The following ZNF804B variants were observed in gnomAD, a reference collection of about 807,000 sequenced individuals.
ZNF804B encodes the protein zinc finger protein 804B.
ZNF804B carries 80 observed loss-of-function variants against 101.4 expected under a neutral mutation model. That is an observed-to-expected ratio of 0.79 (90% confidence interval 0.66 to 0.95). The LOEUF (loss-of-function observed/expected upper bound fraction) is 0.95, where lower values mean the gene tolerates loss of function less well. ZNF804B is among the 40% of genes least tolerant of loss of function. ZNF804B has a pLI of 0.00. For missense variants in ZNF804B, 1,673 were observed against 1,561.9 expected (o/e 1.07, Z -1.20); for synonymous variants, 622 against 558.8 (o/e 1.11, Z -1.59).
chr7:89,275,673 A>G (rs1381663512), intron 2 of ZNF804B, among the ~76,000 whole-genome samples: 2 of 151,788 alleles, frequency 1.3e-5, no homozygotes, highest in Non-Finnish European at 2.9e-5. Flanking sequence ...TAAATTTGCA[A>G]TCTCTTTCTT....
intron 1 of ZNF804B, among the ~76,000 whole-genome samples, chr7:89,059,440 C>CAG (rs1293395012): frequency 4.6e-5 from 7 of 151,922 alleles, no homozygotes; most frequent in Admixed American, 4.6e-4. Context: ...GAGTAGAAGC[C>CAG]AGAGAGAGAA....
intron 1 of ZNF804B, among the ~76,000 whole-genome samples, chr7:88,856,785 A>G (rs1046641828): frequency 1.3e-5 from 2 of 152,150 alleles, no homozygotes; most frequent in Non-Finnish European, 2.9e-5. Context: ...CGTCCCATCA[A>G]TACCTAGTTT....
At chr7:89,026,700 G>C (rs961974416) in intron 1 of ZNF804B, among the ~76,000 whole-genome samples, 4 of 152,126 alleles carry the variant, frequency 2.6e-5, no homozygotes, top group Non-Finnish European at 5.9e-5. Flanking sequence ...TATTGTCCTG[G>C]TTTGTGGCTT....
At chr7:89,200,670 C>A (rs951640925) in intron 1 of ZNF804B, among the ~76,000 whole-genome samples, 2 of 152,172 alleles carry the variant, frequency 1.3e-5, no homozygotes, top group South Asian at 4.1e-4. Context: ...CACTCCCACA[C>A]AAATAGCCTT....
chr7:89,039,494 G>T (rs1788981837), intron 1 of ZNF804B, among the ~76,000 whole-genome samples: 1 of 151,432 alleles, frequency 6.6e-6, no homozygotes, highest in Non-Finnish European at 1.5e-5. Context: ...AATTTTTTTA[G>T]ATAATTTACT....
intron 1 of ZNF804B, among the ~76,000 whole-genome samples, chr7:89,022,775 G>A (rs1788687402): frequency 6.6e-6 from 1 of 152,150 alleles, no homozygotes; most frequent in Non-Finnish European, 1.5e-5. Flanking sequence ...GCTATCACAT[G>A]TGAGTGAAGC....
At chr7:88,795,021 C>A in intron 1 of ZNF804B, 2 of 1,197,132 alleles carry the variant, frequency 1.7e-6, no homozygotes, top group Non-Finnish European at 2.3e-6. Flanking sequence ...TACCTCTTTA[C>A]TGATGAACTC....
rs183171727 is a variant in ZNF804B, at chr7:89,108,650, T to C, written c.109-109505T>C. Among the ~76,000 whole-genome samples, 6 of 152,208 alleles carry C rather than the reference T, an allele frequency of 3.9e-5. No homozygotes were observed. The East Asian group carries it at 1.2e-3, about 29-fold the overall frequency. ...CAAAAGGCAAAGGAAACTGATCCTA[T>C]TGGATGTGGCAAGATCTAGGTCAAT... On this transcript the variant is annotated intron_variant, in intron 1 of 3. Coordinates refer to ENST00000333190, the MANE Select transcript of ZNF804B (RefSeq NM_181646.5).
At chr7:89,333,329 C>T in intron 3 of ZNF804B, 34 bp from the exon 4 acceptor site, 1 of 1,496,110 alleles carries the variant, frequency 6.7e-7, no homozygotes, top group Non-Finnish European at 8.9e-7. Flanking sequence ...CAAAGCTAAT[C>T]TCTTAATCAT....
chr7:88,974,504 G>A (rs1793585586), intron 1 of ZNF804B, among the ~76,000 whole-genome samples: 1 of 150,702 alleles, frequency 6.6e-6, no homozygotes, highest in African/African-American at 2.4e-5. Flanking sequence ...ATTTTATCTG[G>A]CCCTTAGAAA....
At chr7:89,163,581 C>G (rs980228361) in intron 1 of ZNF804B, among the ~76,000 whole-genome samples, 1 of 151,730 alleles carries the variant, frequency 6.6e-6, no homozygotes, top group African/African-American at 2.4e-5. Context: ...CTTTGCTTAT[C>G]TGTTTGATTT....
intron 2 of ZNF804B, among the ~76,000 whole-genome samples, chr7:89,222,998 T>A (rs949485134): frequency 6.6e-6 from 1 of 151,938 alleles, no homozygotes; most frequent in African/African-American, 2.4e-5. Flanking sequence ...GAAGCTGAGT[T>A]ACACTGAAGT....
chr7:88,945,006 T>C (rs1255652648), intron 1 of ZNF804B, among the ~76,000 whole-genome samples: 1 of 152,020 alleles, frequency 6.6e-6, no homozygotes, highest in East Asian at 1.9e-4. Flanking sequence ...GTTAGATGGA[T>C]AGATTGCAAA....
Position 88,931,815 on chromosome 7 carries a change from G to GTT in ZNF804B, c.108+171738_108+171739dup, listed in dbSNP as rs944806689. 2.6e-5 allele frequency among the ~76,000 whole-genome samples: 4 copies of GTT among 151,336 alleles called. No individual in the cohort carries two copies. The East Asian group carries it at 7.8e-4, about 29-fold the overall frequency. Reference sequence around the variant, plus strand: ...CAAATTATAAGAAAAGTGATTCAATGTTTTTTTTAAAAAACTTCAAAACAC... The same window carrying GTT: ...CAAATTATAAGAAAAGTGATTCAATGTTTTTTTTTTAAAAAACTTCAAAACAC... On this transcript the variant is annotated intron_variant, in intron 1 of 3. Transcript: ENST00000333190.
chr7:88,883,094 T>C (rs1792067694), intron 1 of ZNF804B, among the ~76,000 whole-genome samples: 1 of 152,032 alleles, frequency 6.6e-6, no homozygotes, highest in Admixed American at 6.6e-5. Context: ...TTAAAAAAAT[T>C]CCCTCTGGGT....
chr7:88,806,393 C>T (rs770937242), intron 1 of ZNF804B, among the ~76,000 whole-genome samples: 4 of 152,088 alleles, frequency 2.6e-5, no homozygotes, highest in Admixed American at 6.6e-5. Context: ...AGAGAGGCCA[C>T]ACTTTTTTGG....
chr7:89,138,968 G>A (rs540791851), intron 1 of ZNF804B, among the ~76,000 whole-genome samples: 15 of 152,114 alleles, frequency 9.9e-5, no homozygotes, highest in African/African-American at 2.4e-4. Flanking sequence ...TATTAGCAGC[G>A]TGAAAGTGGA....
At chr7:89,254,201 T>A (rs1393634972) in intron 2 of ZNF804B, among the ~76,000 whole-genome samples, 1 of 152,108 alleles carries the variant, frequency 6.6e-6, no homozygotes, top group Non-Finnish European at 1.5e-5. Flanking sequence ...AACAATGCTG[T>A]CACTATATCT....
chr7:89,154,459 C>T (rs1429988886), intron 1 of ZNF804B, among the ~76,000 whole-genome samples: 2 of 152,088 alleles, frequency 1.3e-5, no homozygotes, highest in South Asian at 2.1e-4. Context: ...TTGGAAGCAA[C>T]CTGTCTCCAT....
Sources: allele counts gnomAD v4.1 joint callset (sites outside exome capture counted in the v4.1 genomes callset), GRCh38; gene constraint gnomAD v4.1.1; transcripts MANE v1.5; gene names NCBI Gene and HGNC (gene_info 2026-07-23, HGNC 2026-07-21).